NEK10: variants seen among roughly 807,000 people sequenced by gnomAD.
The protein encoded by NEK10 is NIMA related kinase 10, also known as serine/threonine-protein kinase Nek10.
In NEK10, 122 loss-of-function variants were observed where a neutral mutation model predicts 159.8. That is an observed-to-expected ratio of 0.76 (90% confidence interval 0.66 to 0.89). The LOEUF is 0.89. NEK10 is among the 40% of genes least tolerant of loss of function. The pLI, the probability that NEK10 is intolerant of heterozygous loss-of-function variation, is 0.00. For synonymous variants in NEK10, 466 were observed against 457.1 expected, an observed-to-expected ratio of 1.02 and a Z score of -0.25; for missense variants, 1,342 against 1,323.1, an observed-to-expected ratio of 1.01 and a Z score of -0.22.
chr3:27,287,239 T>C (rs62255593), intron 20 of NEK10, among the ~76,000 whole-genome samples: 3,127 of 151,660 alleles, frequency 0.021, 62 homozygotes, highest in Non-Finnish European at 0.033. Flanking sequence ...GCTGCCAGAA[T>C]CAGTCTGGGC....
chr3:27,236,916 C>A (rs1252504506), intron 23 of NEK10, among the ~76,000 whole-genome samples: 2 of 152,148 alleles, frequency 1.3e-5, no homozygotes, highest in African/African-American at 4.8e-5. Context: ...CTTTTCCCCA[C>A]TCTAATAAGC....
At chr3:27,184,119 T>C (rs1948390134) in intron 26 of NEK10, among the ~76,000 whole-genome samples, 1 of 152,220 alleles carries the variant, frequency 6.6e-6, no homozygotes, top group Non-Finnish European at 1.5e-5. Context: ...CATTTTTGTA[T>C]GGGTCTTTTT....
At chr3:27,132,116 T>A in intron 31 of NEK10, 126 bp from the exon 32 acceptor site, 1 of 436,162 alleles carries the variant, frequency 2.3e-6, no homozygotes, top group Non-Finnish European at 4.1e-6. Context: ...GAATTTAAAT[T>A]TTACTGCAAA....
intron 22 of NEK10, among the ~76,000 whole-genome samples, chr3:27,260,546 A>C (rs2040314418): frequency 6.6e-6 from 1 of 152,260 alleles, no homozygotes; most frequent in Admixed American, 6.5e-5. Context: ...ATGTTGAACC[A>C]GCCTTGCATC....
chr3:27,135,320 A>C (rs372263747), intron 31 of NEK10, among the ~76,000 whole-genome samples: 1 of 152,284 alleles, frequency 6.6e-6, no homozygotes, highest in African/African-American at 2.4e-5. Context: ...GTAGTCTCAT[A>C]AGCTCCCCCA....
chr3:27,176,854 A>C (rs893604165), intron 26 of NEK10, among the ~76,000 whole-genome samples: 5 of 152,216 alleles, frequency 3.3e-5, no homozygotes, highest in African/African-American at 1.2e-4. Flanking sequence ...GAATTGAGAA[A>C]ACTTTTTATT....
In NEK10 at chr3:27,194,125, C is replaced by CTTTTTTTTTTTTT. The variant is rs71091113; in HGVS notation, c.2292-1896_2292-1884dup. ...CCTGCTTAGGCATTTCAGAGAAATT[C>CTTTTTTTTTTTTT]TTTTTTTTTTTTTTTTTTGAGACGG... On this transcript the variant is annotated intron_variant, in intron 25 of 35. Transcript: ENST00000691995. 40 of 128,178 alleles carry CTTTTTTTTTTTTT rather than the reference C, an allele frequency of 3.1e-4. 1 individual carries two copies. Among genetic ancestry groups the CTTTTTTTTTTTTT allele is most frequent in the African/African-American group, 1.3e-3 (40 of 31,672 alleles). 7.9% of individuals were successfully genotyped at this position (128,178 alleles called of 1,614,324 possible). A position where few individuals can be genotyped will look rare whatever the true frequency, so the allele number is the denominator to read the frequency against.
At chr3:27,364,020 C>T (rs1472242832) in intron 1 of NEK10, among the ~76,000 whole-genome samples, 1 of 151,794 alleles carries the variant, frequency 6.6e-6, no homozygotes, top group Non-Finnish European at 1.5e-5. Flanking sequence ...AATAGTGACA[C>T]CTCTTTAGAA....
rs1383406516 is a variant in NEK10, at chr3:27,204,302, T to G, written c.2091-1745A>C. On this transcript the variant is annotated intron_variant, in intron 23 of 35. Transcript: ENST00000691995. ...TTTTTTTTTTTTTTTTTTGTTGTTG[T>G]TTTTTTTTTTTTTTTTTTTATTATA... Among the ~76,000 whole-genome samples, 6 of 49,884 alleles carry G rather than the reference T, an allele frequency of 1.2e-4. No homozygotes were observed. In the South Asian group the frequency reaches 1.8e-3, roughly 15 times the overall value. 32.7% of individuals were successfully genotyped at this position (49,884 alleles called of 152,430 possible). A position where few individuals can be genotyped will look rare whatever the true frequency, so the allele number is the denominator to read the frequency against.
chr3:27,265,344 A>G (rs551981232), intron 22 of NEK10, among the ~76,000 whole-genome samples: 14 of 152,050 alleles, frequency 9.2e-5, no homozygotes, highest in Non-Finnish European at 1.8e-4. Flanking sequence ...GTTTAATTTG[A>G]TTTTATAAAA....
rs762201134 is a variant in NEK10, at chr3:27,284,680, G to C, written c.1936C>G (p.His646Asp). 1 of 1,609,542 alleles carries C rather than the reference G, an allele frequency of 6.2e-7. No individual in the cohort carries two copies. The highest frequency in any genetic ancestry group is 2.2e-5 in the East Asian group (1 of 44,826). ...CTATGGACAATCCTCTTCTCCTTGTGTAAGTATCGAAGAGCTAAGCACAGC... is the reference window on the plus strand; with the variant it reads ...CTATGGACAATCCTCTTCTCCTTGTCTAAGTATCGAAGAGCTAAGCACAGC... ...IQLCLALRYL[H>D]KEKRIVHRDL... The change falls in exon 22 of 36, where the codon CAC becomes GAC. Residue 646 changes from histidine to aspartate, a missense_variant. By Grantham distance (81) the His-to-Asp change is moderately conservative. Coordinates refer to ENST00000691995, the MANE Select transcript of NEK10 (RefSeq NM_001394966.1).
intron 29 of NEK10, among the ~76,000 whole-genome samples, chr3:27,167,239 A>G (rs1946568444): frequency 6.6e-6 from 1 of 152,174 alleles, no homozygotes; most frequent in African/African-American, 2.4e-5. Context: ...AGTCCTTGGT[A>G]ATGAGATAAA....
At chr3:27,200,815 A>G (rs189965876) in intron 25 of NEK10, among the ~76,000 whole-genome samples, 43 of 152,294 alleles carry the variant, frequency 2.8e-4, no homozygotes, top group Non-Finnish European at 5.9e-4. Flanking sequence ...CCTGTGTCAC[A>G]CATATATCTG....
At chr3:27,200,445 C>A (rs724243) in intron 25 of NEK10, among the ~76,000 whole-genome samples, 35,704 of 151,904 alleles carry the variant, frequency 0.24, 4,547 homozygotes, top group Middle Eastern at 0.38. Context: ...AACTTAAGTA[C>A]CCAACTTAAG....
chr3:27,132,690 A>G lies in NEK10; in HGVS notation c.2971-700T>C, dbSNP rs1242829918. 2.0e-5 allele frequency among the ~76,000 whole-genome samples: 3 copies of G among 152,220 alleles called. 1 individual carries two copies. The highest frequency in any genetic ancestry group is 4.1e-4 in the South Asian group (2 of 4,832). ...AGGTTGGATCTCTACAAGAAAATCAAAAGTCCTGGAAAGCACAGAAAGATG... is the reference window on the plus strand; with the variant it reads ...AGGTTGGATCTCTACAAGAAAATCAGAAGTCCTGGAAAGCACAGAAAGATG... On this transcript the variant is annotated intron_variant, in intron 31 of 35. Coordinates refer to ENST00000691995, the MANE Select transcript of NEK10 (RefSeq NM_001394966.1).
intron 20 of NEK10, 126 bp downstream of exon 20, chr3:27,287,572 C>T (rs2042709636): frequency 1.1e-6 from 1 of 936,596 alleles, no homozygotes; most frequent in Non-Finnish European, 1.5e-6. Flanking sequence ...AGACCATCTA[C>T]TGTCATATTA....
Position 27,352,892 on chromosome 3 carries a change from T to C in NEK10, c.-10A>G. Reference sequence around the variant, plus strand: ...TATCTTGATCAGGCATTGTAAAACATCAATGCCCCAGAATTAACATCGCAT... The same window carrying C: ...TATCTTGATCAGGCATTGTAAAACACCAATGCCCCAGAATTAACATCGCAT... On this transcript the variant is annotated 5_prime_UTR_variant, in exon 2 of 36. The change abolishes an upstream ATG in the 5' untranslated region. Transcript: ENST00000691995. The C allele has an allele frequency of 6.3e-7, 1 of 1,587,220 alleles. No homozygotes were observed. The highest frequency in any genetic ancestry group is 2.2e-5 in the East Asian group (1 of 44,726).
chr3:27,197,990 G>A (rs1014908615), intron 25 of NEK10, among the ~76,000 whole-genome samples: 3 of 151,974 alleles, frequency 2.0e-5, no homozygotes, highest in African/African-American at 7.2e-5. Context: ...CATCGGCTGT[G>A]GGTCAAGCCA....
chr3:27,244,124 A>G (rs570456506), intron 23 of NEK10, among the ~76,000 whole-genome samples: 2 of 152,326 alleles, frequency 1.3e-5, no homozygotes, highest in East Asian at 1.9e-4. Context: ...TTCCAGTGTC[A>G]CAGCACAAAC....
Sources: gnomAD v4.1 joint callset for allele counts (sites outside exome capture counted in the v4.1 genomes callset) on GRCh38, gnomAD v4.1.1 for gene constraint, MANE v1.5 for transcripts, NCBI Gene and HGNC (gene_info 2026-07-23, HGNC 2026-07-21) for gene names.